The following STARD13 variants were observed in gnomAD, a reference collection of about 807,000 sequenced individuals.
STARD13 encodes the protein StAR related lipid transfer domain containing 13.
Under a neutral mutation model 106.4 loss-of-function variants are expected in STARD13, and 62 were observed. The ratio of observed to expected loss-of-function variants is 0.58; its 90% CI spans 0.48 to 0.72. STARD13 has a LOEUF of 0.72. STARD13 is among the 30% of genes least tolerant of loss of function. The pLI, the probability that STARD13 is intolerant of heterozygous loss-of-function variation, is 0.00. For synonymous variants in STARD13, 565 were observed against 553.0 expected (o/e 1.02, Z -0.31); for missense variants, 1,387 against 1,424.0 (o/e 0.97, Z 0.42).
At chr13:33,166,702 G>A (rs1883347913) in intron 2 of STARD13, among the ~76,000 whole-genome samples, 1 of 152,142 alleles carries the variant, frequency 6.6e-6, no homozygotes, top group Non-Finnish European at 1.5e-5. Context: ...GTCAATTAAA[G>A]AATCAATGAA....
chr13:33,646,999 T>C, the STARD13 span, among the ~76,000 whole-genome samples: 3 of 152,174 alleles, frequency 2.0e-5, no homozygotes, highest in Non-Finnish European at 2.9e-5. Flanking sequence ...TAGAGAAGTA[T>C]GCAGCCCCCC....
the STARD13 span, among the ~76,000 whole-genome samples, chr13:33,603,274 T>C: frequency 6.6e-6 from 1 of 152,172 alleles, no homozygotes; most frequent in Non-Finnish European, 1.5e-5. Context: ...AAGAGTGATC[T>C]CCCATTTCCT....
intron 1 of STARD13, among the ~76,000 whole-genome samples, chr13:33,284,511 T>C (rs11616857): frequency 0.35 from 53,782 of 151,600 alleles, 10,223 homozygotes; most frequent in South Asian, 0.5. Context: ...AGGAGGAGGG[T>C]GATCATTAAC....
the STARD13 span, among the ~76,000 whole-genome samples, chr13:33,503,435 G>A: frequency 6.6e-6 from 1 of 152,122 alleles, no homozygotes; most frequent in Non-Finnish European, 1.5e-5. Context: ...TTTTGAATGT[G>A]TTTACTCTTG....
the STARD13 span, among the ~76,000 whole-genome samples, chr13:33,668,786 C>G: frequency 6.6e-6 from 1 of 152,120 alleles, no homozygotes; most frequent in Admixed American, 6.5e-5. Flanking sequence ...TTGCATCTAG[C>G]CCTGAAGATC....
chr13:33,247,196 C>T (rs573070009), intron 1 of STARD13, among the ~76,000 whole-genome samples: 9 of 148,622 alleles, frequency 6.1e-5, no homozygotes, highest in South Asian at 2.2e-4. Context: ...GACTCTGTCT[C>T]GGATAAATAA....
chr13:33,519,914 C>T, the STARD13 span: 13 of 151,772 alleles, frequency 8.6e-5, no homozygotes, highest in Non-Finnish European at 7.4e-5. Context: ...ATTTGCAGGC[C>T]GACTTGTTCA....
the STARD13 span, among the ~76,000 whole-genome samples, chr13:33,398,938 CT>C: frequency 6.6e-6 from 1 of 152,130 alleles, no homozygotes; most frequent in Non-Finnish European, 1.5e-5. Flanking sequence ...ATACAAAGGC[CT>C]TCATGTGAAC....
chr13:33,384,781 C>T, the STARD13 span, among the ~76,000 whole-genome samples: 118 of 152,152 alleles, frequency 7.8e-4, no homozygotes, highest in Non-Finnish European at 1.4e-3. Flanking sequence ...CTTACTCCAC[C>T]CACCTCTACC....
the STARD13 span, among the ~76,000 whole-genome samples, chr13:33,364,199 C>T: frequency 6.6e-6 from 1 of 152,098 alleles, no homozygotes; most frequent in African/African-American, 2.4e-5. Context: ...GGCACAGTGA[C>T]TCAAGCCTGT....
At chr13:33,596,995 T>G in the STARD13 span, among the ~76,000 whole-genome samples, 1 of 152,228 alleles carries the variant, frequency 6.6e-6, no homozygotes, top group African/African-American at 2.4e-5. Context: ...CTGCAATAAC[T>G]ATAGGGGTTC....
chr13:33,306,386 C>G (rs1566129621), intron 1 of STARD13, among the ~76,000 whole-genome samples: 1 of 152,090 alleles, frequency 6.6e-6, no homozygotes, highest in South Asian at 2.1e-4. Flanking sequence ...AGAAGAAAAT[C>G]TAGGCAATAA....
the STARD13 span, among the ~76,000 whole-genome samples, chr13:33,369,524 G>A: frequency 6.6e-6 from 1 of 152,154 alleles, no homozygotes; most frequent in African/African-American, 2.4e-5. Flanking sequence ...TGTCTGTCCT[G>A]AGCAAAGTTA....
chr13:33,541,950 T>C, the STARD13 span, among the ~76,000 whole-genome samples: 3 of 152,232 alleles, frequency 2.0e-5, no homozygotes, highest in Non-Finnish European at 4.4e-5. Context: ...AAAATTTTTC[T>C]TTGTAACACA....
chr13:33,275,551 G>A (rs1891384267), intron 1 of STARD13: 1 of 152,096 alleles, frequency 6.6e-6, no homozygotes, highest in Non-Finnish European at 1.5e-5. Context: ...GTCACTCTAT[G>A]GGGATGATGT....
intron 1 of STARD13, among the ~76,000 whole-genome samples, chr13:33,298,248 G>C (rs1278275610): frequency 2.0e-5 from 3 of 146,346 alleles, no homozygotes; most frequent in Non-Finnish European, 1.5e-5. Flanking sequence ...TCCTGCCTTA[G>C]CCTCCCAAGT....
the STARD13 span, among the ~76,000 whole-genome samples, chr13:33,382,826 T>G: frequency 6.6e-6 from 1 of 152,208 alleles, no homozygotes; most frequent in African/African-American, 2.4e-5. Flanking sequence ...AGAAAAATGG[T>G]ATTCCTATGA....
intron 1 of STARD13, among the ~76,000 whole-genome samples, chr13:33,257,490 G>A (rs1566102434): frequency 6.6e-6 from 1 of 152,158 alleles, no homozygotes; most frequent in Non-Finnish European, 1.5e-5. Flanking sequence ...GGAATATAGA[G>A]GGAATATGAA....
At chr13:33,286,091 C>A (rs192878971), upstream of STARD13, among the ~76,000 whole-genome samples, 84 of 152,128 alleles carry the variant, frequency 5.5e-4, no homozygotes, top group Admixed American at 2.2e-3. Flanking sequence ...AGAGAAAGCT[C>A]CTTCGCTTTC....
Sources: allele counts gnomAD v4.1 joint callset (sites outside exome capture counted in the v4.1 genomes callset), GRCh38; gene constraint gnomAD v4.1.1; transcripts MANE v1.5; gene names NCBI Gene and HGNC (gene_info 2026-07-23, HGNC 2026-07-21).